VEPH1: variants seen among roughly 807,000 people sequenced by gnomAD.
VEPH1 encodes the protein ventricular zone expressed PH domain containing 1.
Under a neutral mutation model 85.2 loss-of-function variants are expected in VEPH1, and 80 were observed. That is an observed-to-expected ratio of 0.94 (90% confidence interval 0.78 to 1.13). The LOEUF (loss-of-function observed/expected upper bound fraction) is 1.13. Among genes scored for constraint, VEPH1 ranks in the 50% most tolerant of loss-of-function variants. The pLI, the probability that VEPH1 is intolerant of heterozygous loss-of-function variation, is 0.00. For missense variants in VEPH1, 955 were observed against 980.5 expected (o/e 0.97, Z 0.35); for synonymous variants, 297 against 348.0 (o/e 0.85, Z 1.63).
At chr3:157,316,897 C>G (rs1720807478) in intron 10 of VEPH1, among the ~76,000 whole-genome samples, 165 bp downstream of exon 10, 1 of 152,060 alleles carries the variant, frequency 6.6e-6, no homozygotes, top group South Asian at 2.1e-4. Flanking sequence ...TATAAGGAAA[C>G]TATCCTAAAA....
At chr3:157,415,720 A>G (rs1021781510) in intron 5 of VEPH1, among the ~76,000 whole-genome samples, 1 of 152,140 alleles carries the variant, frequency 6.6e-6, no homozygotes, top group Non-Finnish European at 1.5e-5. Flanking sequence ...CCCACTACAC[A>G]TCACACATCA....
Position 157,460,298 on chromosome 3 carries a change from G to A in VEPH1, c.412C>T (p.His138Tyr). ...LAIPIAVKFLHRGNKELCRNM... is the reference protein window; with the variant it reads ...LAIPIAVKFLYRGNKELCRNM... ...CTGCACAGTTCCTTGTTGCCTCTGT[G>A]GAGGAATTTCACTGCAATGGGGATG... is the stretch of plus-strand genomic sequence containing the variant. The change falls in exon 4 of 14, where the codon CAC becomes TAC. Residue 138 changes from histidine (H) to tyrosine (Y), a missense_variant. Physicochemically the swap from His to Tyr is moderately conservative, Grantham distance 83 (BLOSUM62 2). Transcript: ENST00000362010. The A allele has an allele frequency of 6.2e-7, 1 of 1,614,122 alleles. No homozygotes were observed. Among genetic ancestry groups the A allele is most frequent in the Middle Eastern group, 1.6e-4 (1 of 6,062 alleles).
chr3:157,439,279 A>G (rs1733923536), intron 4 of VEPH1, among the ~76,000 whole-genome samples: 1 of 152,214 alleles, frequency 6.6e-6, no homozygotes, highest in African/African-American at 2.4e-5. Flanking sequence ...ATCTTTGCAT[A>G]TTAGTTAGAG....
chr3:157,439,402 C>G (rs567040695), intron 4 of VEPH1, among the ~76,000 whole-genome samples: 1 of 152,342 alleles, frequency 6.6e-6, no homozygotes, highest in South Asian at 2.1e-4. Context: ...AGCTTGGCTC[C>G]TAACCATTCT....
intron 9 of VEPH1, among the ~76,000 whole-genome samples, chr3:157,331,346 G>A (rs985441437): frequency 1.3e-5 from 2 of 152,140 alleles, no homozygotes; most frequent in African/African-American, 2.4e-5. Context: ...TGATCCTTGG[G>A]GGAGACTGAC....
At chr3:157,495,122 C>T (rs1031729295) in intron 2 of VEPH1, 90 bp downstream of exon 2, 63 of 1,329,134 alleles carry the variant, frequency 4.7e-5, no homozygotes, top group Non-Finnish European at 5.7e-5. Flanking sequence ...CCTCTTTCCC[C>T]TGCAAAGATC....
At chr3:157,500,101 C>T (rs1378794) in intron 1 of VEPH1, among the ~76,000 whole-genome samples, 34,296 of 152,066 alleles carry the variant, frequency 0.23, 4,281 homozygotes, top group South Asian at 0.35. Context: ...CATAGAAATC[C>T]ACGTGGACCA....
intron 11 of VEPH1, among the ~76,000 whole-genome samples, chr3:157,303,111 G>A (rs1719023596): frequency 6.6e-6 from 1 of 152,160 alleles, no homozygotes. Context: ...CATTTGAAGA[G>A]AATGCTCTAA....
chr3:157,287,794 A>G (rs920413920), intron 11 of VEPH1, among the ~76,000 whole-genome samples: 1 of 152,100 alleles, frequency 6.6e-6, no homozygotes, highest in African/African-American at 2.4e-5. Context: ...CCAACTCCTG[A>G]TCTCAAGTGA....
At chr3:157,482,518 C>T (rs1459296653) in intron 2 of VEPH1, among the ~76,000 whole-genome samples, 1 of 152,114 alleles carries the variant, frequency 6.6e-6, no homozygotes, top group Admixed American at 6.6e-5. Context: ...CCACCCACGC[C>T]CAGCTGATGT....
intron 9 of VEPH1, among the ~76,000 whole-genome samples, chr3:157,324,877 G>A (rs927111288): frequency 1.3e-5 from 2 of 152,060 alleles, no homozygotes; most frequent in African/African-American, 4.8e-5. Context: ...TGGGTCATAT[G>A]GTATTTCTGC....
chr3:157,281,657 C>A (rs888933234), intron 12 of VEPH1, among the ~76,000 whole-genome samples: 1 of 152,016 alleles, frequency 6.6e-6, no homozygotes, highest in Non-Finnish European at 1.5e-5. Flanking sequence ...CCTGCCTCAG[C>A]CTCCTGAGTA....
intron 9 of VEPH1, among the ~76,000 whole-genome samples, chr3:157,329,634 C>A (rs1280269314): frequency 2.0e-5 from 3 of 148,166 alleles, no homozygotes; most frequent in African/African-American, 7.5e-5. Context: ...TTTTTTTTTA[C>A]TATTTCTGAT....
intron 6 of VEPH1, among the ~76,000 whole-genome samples, chr3:157,412,052 C>A (rs1326557296): frequency 6.6e-6 from 1 of 152,130 alleles, no homozygotes; most frequent in Non-Finnish European, 1.5e-5. Context: ...CACCTCACCC[C>A]TCTCTCTTCC....
chr3:157,421,107 A>T (rs1375648465), intron 5 of VEPH1, among the ~76,000 whole-genome samples: 1 of 152,194 alleles, frequency 6.6e-6, no homozygotes, highest in Admixed American at 6.5e-5. Context: ...GAAAAGTAGG[A>T]TGCCTAGAGG....
In VEPH1 at chr3:157,286,576, G is replaced by A; in HGVS notation, c.2109C>T (p.Asn703=). 6.2e-7 allele frequency: 1 copy of A among 1,614,042 alleles called. No individual in the cohort carries two copies. Among genetic ancestry groups the A allele is most frequent in the Non-Finnish European group, 8.5e-7 (1 of 1,179,916 alleles). Residue 703 remains asparagine, a synonymous_variant, in exon 12 of 14, where the codon AAC becomes AAT. Transcript: ENST00000362010. ...TAGAWQCFMC[N]NPEKATVVNQ... Reference sequence around the variant, plus strand: ...TCTCACCAGTTGCTTTCTCAGGATTGTTGCACATGAAGCATTGCCATGCTC... The same window carrying A: ...TCTCACCAGTTGCTTTCTCAGGATTATTGCACATGAAGCATTGCCATGCTC...
intron 11 of VEPH1, among the ~76,000 whole-genome samples, chr3:157,302,388 C>A (rs983922523): frequency 6.6e-6 from 1 of 152,156 alleles, no homozygotes; most frequent in Admixed American, 6.5e-5. Flanking sequence ...ATTCATACAC[C>A]GAAATCCTAT....
In VEPH1 at chr3:157,459,675, C is replaced by A. The variant is rs1577707599; in HGVS notation, c.529+506G>T. 1.5e-5 allele frequency: 20 copies of A among 1,356,438 alleles called. No homozygotes were observed. The East Asian group carries it at 5.4e-4, about 37-fold the overall frequency. The allele number at this position is 1,356,438 out of a possible 1,614,324, so 84.0% of individuals were successfully genotyped here. ...TTCATTCAAATGTTGTAACAATTAA[C>A]AGAGGTGTACTATTTGGCTTTTTAT... is the stretch of plus-strand genomic sequence containing the variant. On this transcript the variant is annotated intron_variant, in intron 4 of 13. Coordinates refer to ENST00000362010, the MANE Select transcript of VEPH1 (RefSeq NM_001167912.2).
intron 12 of VEPH1, among the ~76,000 whole-genome samples, chr3:157,267,697 G>A (rs1010531033): frequency 9.2e-5 from 14 of 152,220 alleles, no homozygotes; most frequent in African/African-American, 2.9e-4. Flanking sequence ...GGGCCTGGCA[G>A]GTGGAGGTTG....
Sources: gnomAD v4.1 joint callset for allele counts (sites outside exome capture counted in the v4.1 genomes callset) on GRCh38, gnomAD v4.1.1 for gene constraint, MANE v1.5 for transcripts, NCBI Gene and HGNC (gene_info 2026-07-23, HGNC 2026-07-21) for gene names.